The following C4orf50 variants were observed in gnomAD, a reference collection of about 807,000 sequenced individuals.
C4orf50 encodes the protein uncharacterized protein C4orf50.
C4orf50 carries 80 observed loss-of-function variants against 77.2 expected under a neutral mutation model. The observed-to-expected ratio is 1.04, with a 90% confidence interval of 0.87 to 1.25. C4orf50 has a LOEUF of 1.25. Ranked by LOEUF, C4orf50 falls within the 50% of genes most tolerant of loss-of-function variation. The probability of loss-of-function intolerance (pLI) is 0.00; values close to 1 mark genes in which losing one functional copy is unlikely to be tolerated. For missense variants in C4orf50, 1,257 were observed against 1,152.9 expected (o/e 1.09, Z -1.31); for synonymous variants, 532 against 465.3 (o/e 1.14, Z -1.84).
intron 7 of C4orf50, among the ~76,000 whole-genome samples, chr4:5,923,987 G>C (rs1045502550): frequency 6.6e-6 from 1 of 152,148 alleles, no homozygotes; most frequent in Non-Finnish European, 1.5e-5. Flanking sequence ...TCCCATGCTG[G>C]ATGCTTCCCG....
At position 6,016,313 on chromosome 4, in the gene C4orf50, C is replaced by T. The variant is rs779523619; in HGVS notation, c.287+1832G>A. On this transcript the variant is annotated intron_variant, in intron 23 of 33. Coordinates refer to ENST00000531445, the Ensembl canonical transcript of C4orf50. ...TCTATAATCCCAACACTTTGGGAGG[C>T]CAAGGCAGGCAGATCGCTTGAGGTC... Among the ~76,000 whole-genome samples, 18 of 152,244 alleles carry T rather than the reference C, an allele frequency of 1.2e-4. No individual in the cohort carries two copies. In the Middle Eastern group the frequency reaches 0.01, roughly 86 times the overall value.
chr4:5,951,345 G>GA (rs397750568), intron 7 of C4orf50, among the ~76,000 whole-genome samples: 2 of 150,780 alleles, frequency 1.3e-5, no homozygotes, highest in African/African-American at 2.4e-5. Context: ...ATGAAGGGGG[G>GA]TGGTGGCACA....
chr4:5,989,944 C>G (rs1002487118), exon 28 of C4orf50: 1 of 1,422,940 alleles, frequency 7.0e-7, no homozygotes, highest in Non-Finnish European at 9.1e-7. Context: ...CTCCTTGCCC[C>G]TAGCTGTCCT....
chr4:6,004,182 G>GTGA (rs1722063519), intron 25 of C4orf50, among the ~76,000 whole-genome samples: 1 of 87,818 alleles, frequency 1.1e-5, no homozygotes, highest in African/African-American at 4.3e-5. Context: ...GGTGATGATG[G>GTGA]TGATGGTGAT....
chr4:5,988,965 A>C (rs1431463536), exon 28 of C4orf50: 9 of 1,535,992 alleles, frequency 5.9e-6, no homozygotes, highest in Non-Finnish European at 7.8e-6. Context: ...GTTGGCCCAG[A>C]TTCCCTTTCA....
intron 28 of C4orf50, among the ~76,000 whole-genome samples, chr4:5,982,603 G>A (rs916749926): frequency 6.6e-6 from 1 of 152,204 alleles, no homozygotes; most frequent in African/African-American, 2.4e-5. Flanking sequence ...AACCACATCT[G>A]GGTTGGGGGG....
chr4:6,015,682 G>A lies in C4orf50; in HGVS notation c.287+2463C>T, dbSNP rs541758293. Among the ~76,000 whole-genome samples, 1 of 152,168 alleles carries A rather than the reference G, an allele frequency of 6.6e-6. No individual in the cohort carries two copies. Among genetic ancestry groups the A allele is most frequent in the African/African-American group, 2.4e-5 (1 of 41,532 alleles). On this transcript the variant is annotated intron_variant, in intron 23 of 33. Transcript: ENST00000531445. This position sits in a 1 kb window ranked among gnomAD's most constrained non-coding sequence, Gnocchi z 4.4. ...CGGAATCAGTCTTCCTGAGCTAGTC[G>A]AGCTGTCAGTGGAGCCAAGCCCTCT...
At chr4:6,010,570 TTC>T (rs1722451980) in intron 24 of C4orf50, among the ~76,000 whole-genome samples, 1 of 152,218 alleles carries the variant, frequency 6.6e-6, no homozygotes, top group Admixed American at 6.5e-5. Flanking sequence ...GCTTGCATAT[TTC>T]TTAGTCTATA....
chr4:5,908,265 T>C lies in C4orf50; in HGVS notation c.*2475-10077A>G, dbSNP rs1716642549. Reference sequence around the variant, plus strand: ...CAGAAGGAAATGCTGGGTTACAAAGTAACAGTGTACTAAAGAGAGTCAGAT... The same window carrying C: ...CAGAAGGAAATGCTGGGTTACAAAGCAACAGTGTACTAAAGAGAGTCAGAT... On this transcript the variant is annotated intron_variant, in intron 7 of 7. Coordinates refer to the C4orf50 transcript ENST00000324058. The surrounding 1 kb of genome is among the most constrained non-coding windows in gnomAD (Gnocchi z 5.6). Among the ~76,000 whole-genome samples the C allele has an allele frequency of 6.6e-6, 1 of 151,982 alleles. No homozygotes were observed. The highest frequency in any genetic ancestry group is 2.4e-5 in the African/African-American group (1 of 41,380).
At position 6,007,513 on chromosome 4, in the gene C4orf50, A is replaced by T. The variant is rs967359254; in HGVS notation, c.963+483T>A. Among the ~76,000 whole-genome samples, 1 of 152,188 alleles carries T rather than the reference A, an allele frequency of 6.6e-6. No individual in the cohort carries two copies. Among genetic ancestry groups the T allele is most frequent in the Non-Finnish European group, 1.5e-5 (1 of 68,046 alleles). ...CCTTGATCTTGGACCTCCAGCCTCC[A>T]AAAGTGTGAAAAATAAGTTTCTGTT... On this transcript the variant is annotated intron_variant, in intron 25 of 33. Transcript: ENST00000531445. The surrounding 1 kb of genome is among the most constrained non-coding windows in gnomAD (Gnocchi z 4.1).
At chr4:5,933,679 C>T (rs11727977) in intron 7 of C4orf50, among the ~76,000 whole-genome samples, 18,425 of 152,192 alleles carry the variant, frequency 0.12, 1,146 homozygotes, top group African/African-American at 0.15. Context: ...GTTTTGACTA[C>T]GGTCGTGCCT....
At chr4:5,990,150 G>T in exon 28 of C4orf50, 1 of 1,259,006 alleles carries the variant, frequency 7.9e-7, no homozygotes, top group Non-Finnish European at 1.0e-6. Context: ...TTGATACTGA[G>T]GCCTCCCCCT....
exon 8 of C4orf50, chr4:5,898,118 T>C (rs1270902718): frequency 6.6e-6 from 1 of 152,186 alleles, no homozygotes; most frequent in African/African-American, 2.4e-5. Flanking sequence ...CTTCACAGCT[T>C]TCATGTGATT....
intron 25 of C4orf50, among the ~76,000 whole-genome samples, chr4:6,004,178 G>T (rs1577991933): frequency 2.4e-5 from 3 of 124,936 alleles, no homozygotes; most frequent in East Asian, 3.1e-4. Context: ...TGATGGTGAT[G>T]ATGGTGATGG....
rs1286347534 is a variant in C4orf50, at chr4:6,000,560, T to G, written c.964-6084A>C. On this transcript the variant is annotated intron_variant, in intron 25 of 33. Transcript: ENST00000531445. This position sits in a 1 kb window ranked among gnomAD's most constrained non-coding sequence, Gnocchi z 6.0. Reference sequence around the variant, plus strand: ...GCTGCAGCCTGGGTCCAGCCCCCACTGCAACACCAGGGTCCTCCCCCAGTG... The same window carrying G: ...GCTGCAGCCTGGGTCCAGCCCCCACGGCAACACCAGGGTCCTCCCCCAGTG... Among the ~76,000 whole-genome samples the G allele has an allele frequency of 6.6e-6, 1 of 152,132 alleles. No homozygotes were observed. The highest frequency in any genetic ancestry group is 1.5e-5 in the Non-Finnish European group (1 of 68,008).
intron 7 of C4orf50, among the ~76,000 whole-genome samples, chr4:5,921,687 G>A (rs562762933): frequency 1.3e-5 from 2 of 152,296 alleles, no homozygotes; most frequent in African/African-American, 4.8e-5. Flanking sequence ...GGGGACACTC[G>A]AGAGGGTGGA....
exon 28 of C4orf50, chr4:5,989,197 T>C: frequency 6.5e-7 from 1 of 1,536,074 alleles, no homozygotes; most frequent in Non-Finnish European, 8.7e-7. Context: ...CCTCTCTTGG[T>C]CTCCGTGAAG....
intron 7 of C4orf50, among the ~76,000 whole-genome samples, chr4:5,921,222 T>C (rs1717254465): frequency 1.1e-4 from 17 of 152,168 alleles, no homozygotes; most frequent in Admixed American, 1.1e-3. Context: ...ATAGGCTTGA[T>C]GATGTGTCAT....
At chr4:6,013,600 G>C (rs1722567625) in intron 23 of C4orf50, among the ~76,000 whole-genome samples, 1 of 152,158 alleles carries the variant, frequency 6.6e-6, no homozygotes, top group African/African-American at 2.4e-5. Context: ...GTGAGATGGG[G>C]ATATGGATCC....
Sources: gnomAD v4.1 joint callset for allele counts (sites outside exome capture counted in the v4.1 genomes callset) on GRCh38, gnomAD v4.1.1 for gene constraint, Gnocchi (gnomAD v3.1) non-coding constraint, MANE v1.5 for transcripts, NCBI Gene and HGNC (gene_info 2026-07-23, HGNC 2026-07-21) for gene names.